The following CAMK1D variants were observed in gnomAD, a reference collection of about 807,000 sequenced individuals.
CAMK1D encodes calcium/calmodulin dependent protein kinase ID, also known as calcium/calmodulin-dependent protein kinase type 1D.
CAMK1D carries 9 observed loss-of-function variants against 47.7 expected under a neutral mutation model. That is an observed-to-expected ratio of 0.19 (90% CI 0.11 to 0.33). The LOEUF is 0.33. Ranked by LOEUF, CAMK1D falls within the 10% of genes least tolerant of loss-of-function variation. The pLI is 1.00. For synonymous variants in CAMK1D, 184 were observed against 184.9 expected (o/e 0.99, Z 0.04); for missense variants, 291 against 488.7 (o/e 0.60, Z 3.81).
chr10:12,640,073 C>T (rs1839625095), intron 2 of CAMK1D, among the ~76,000 whole-genome samples: 1 of 152,164 alleles, frequency 6.6e-6, no homozygotes, highest in Admixed American at 6.5e-5. Context: ...GACAGATGTC[C>T]TTATTTTTAT....
intron 1 of CAMK1D, among the ~76,000 whole-genome samples, chr10:12,372,227 C>T (rs1049374734): frequency 1.3e-5 from 2 of 152,188 alleles, no homozygotes; most frequent in South Asian, 4.2e-4. Context: ...AGAACATACC[C>T]GAGACTGTTA....
chr10:12,739,219 A>C (rs899318626), intron 3 of CAMK1D, among the ~76,000 whole-genome samples: 1 of 152,278 alleles, frequency 6.6e-6, no homozygotes, highest in Middle Eastern at 3.4e-3. Context: ...CCTGGGCAAC[A>C]GAGAGAAACC....
At chr10:12,744,634 G>A (rs1036989491) in intron 3 of CAMK1D, among the ~76,000 whole-genome samples, 16 of 151,988 alleles carry the variant, frequency 1.1e-4, no homozygotes, top group Non-Finnish European at 1.8e-4. Context: ...GCTCACACCT[G>A]TATCCCAGCA....
At chr10:12,432,131 A>C in intron 1 of CAMK1D, among the ~76,000 whole-genome samples, 1 of 152,186 alleles carries the variant, frequency 6.6e-6, no homozygotes, top group East Asian at 1.9e-4. Context: ...CGTTTCTCTG[A>C]GAGCCTGGGA....
intron 1 of CAMK1D, among the ~76,000 whole-genome samples, chr10:12,438,343 T>C (rs1025483812): frequency 2.6e-5 from 4 of 152,212 alleles, no homozygotes; most frequent in African/African-American, 9.7e-5. Context: ...TTTTTCCATC[T>C]CTGAGACTTT....
chr10:12,579,607 C>T (rs1470796219), intron 2 of CAMK1D, among the ~76,000 whole-genome samples: 1 of 152,098 alleles, frequency 6.6e-6, no homozygotes. Context: ...ATAACTTTCT[C>T]TTCTCTCCAT....
intron 2 of CAMK1D, among the ~76,000 whole-genome samples, chr10:12,573,074 A>G (rs1377826247): frequency 6.6e-6 from 1 of 152,246 alleles, no homozygotes; most frequent in African/African-American, 2.4e-5. Flanking sequence ...GAAATAGAGA[A>G]GCAAAGAAGA....
intron 1 of CAMK1D, among the ~76,000 whole-genome samples, chr10:12,438,315 A>G (rs960959465): frequency 2.0e-5 from 3 of 152,072 alleles, no homozygotes; most frequent in Non-Finnish European, 4.4e-5. Context: ...ACCACATGTT[A>G]AGCTGCCCTT....
intron 1 of CAMK1D, among the ~76,000 whole-genome samples, chr10:12,414,276 T>G (rs531900167): frequency 1.3e-5 from 2 of 152,346 alleles, no homozygotes; most frequent in African/African-American, 4.8e-5. Context: ...CTGATGACAA[T>G]TGCAGTAAAC....
chr10:12,749,821 T>C (rs752256192), intron 3 of CAMK1D, among the ~76,000 whole-genome samples: 1 of 142,270 alleles, frequency 7.0e-6, no homozygotes, highest in African/African-American at 2.9e-5. Flanking sequence ...AACTCCTGAC[T>C]GCAAATGATC....
intron 3 of CAMK1D, among the ~76,000 whole-genome samples, chr10:12,740,337 G>A (rs538876776): frequency 1.1e-3 from 166 of 152,310 alleles, no homozygotes; most frequent in Admixed American, 2.6e-3. Context: ...AGTGGCTCAC[G>A]CCTGTAATCC....
chr10:12,482,848 G>A (rs1016620978), intron 1 of CAMK1D, among the ~76,000 whole-genome samples: 8 of 152,268 alleles, frequency 5.3e-5, no homozygotes, highest in African/African-American at 1.2e-4. Context: ...TCACAGCCGC[G>A]CTTTCTGTTA....
chr10:12,522,690 C>A (rs922650525), intron 1 of CAMK1D, among the ~76,000 whole-genome samples: 4 of 152,000 alleles, frequency 2.6e-5, no homozygotes, highest in African/African-American at 9.6e-5. Context: ...GTCATCATGG[C>A]CCGTTCTCAA....
chr10:12,611,060 C>CT (rs1413984124), intron 2 of CAMK1D, among the ~76,000 whole-genome samples: 1 of 152,138 alleles, frequency 6.6e-6, no homozygotes, highest in Non-Finnish European at 1.5e-5. Context: ...GATGAAGAAA[C>CT]TGAGGCACAG....
chr10:12,554,700 C>A (rs1406879507), intron 2 of CAMK1D, among the ~76,000 whole-genome samples: 1 of 132,346 alleles, frequency 7.6e-6, no homozygotes, highest in Non-Finnish European at 1.7e-5. Context: ...TTATGCCTGG[C>A]TAATTAAAAA....
At chr10:12,358,185 A>C (rs2997067) in intron 1 of CAMK1D, among the ~76,000 whole-genome samples, 1 of 152,072 alleles carries the variant, frequency 6.6e-6, no homozygotes, top group African/African-American at 2.4e-5. Context: ...TGATGGTACC[A>C]CTACACCCCA....
At chr10:12,718,674 T>G (rs551798772) in intron 3 of CAMK1D, among the ~76,000 whole-genome samples, 1 of 152,356 alleles carries the variant, frequency 6.6e-6, no homozygotes, top group South Asian at 2.1e-4. Context: ...GTTTAATGAT[T>G]TAAAAACAGG....
intron 4 of CAMK1D, among the ~76,000 whole-genome samples, chr10:12,767,199 C>G (rs923489668): frequency 6.6e-6 from 1 of 152,124 alleles, no homozygotes; most frequent in African/African-American, 2.4e-5. Flanking sequence ...GTTTTTGAGA[C>G]AGAGTTTCAC....
At chr10:12,722,536 G>A (rs1479189155) in intron 3 of CAMK1D, among the ~76,000 whole-genome samples, 1 of 141,060 alleles carries the variant, frequency 7.1e-6, no homozygotes, top group Non-Finnish European at 1.5e-5. Context: ...AGAAGTTATA[G>A]AAATTTGCCC....
Sources: gnomAD v4.1 joint callset for allele counts (sites outside exome capture counted in the v4.1 genomes callset) on GRCh38, gnomAD v4.1.1 for gene constraint, MANE v1.5 for transcripts, NCBI Gene and HGNC (gene_info 2026-07-23, HGNC 2026-07-21) for gene names.